The following GULP1 variants were observed in gnomAD, a reference collection of about 807,000 sequenced individuals.
GULP1 encodes the protein PTB domain-containing engulfment adapter protein 1.
A neutral mutation model predicts 40.9 loss-of-function variants in GULP1; 19 were observed. That is an observed-to-expected ratio of 0.46 (90% confidence interval 0.32 to 0.68). GULP1 has a LOEUF of 0.68. Ranked by LOEUF, GULP1 falls within the 30% of genes least tolerant of loss-of-function variation. The pLI is 0.03. For synonymous variants in GULP1, 119 were observed against 117.6 expected, an observed-to-expected ratio of 1.01 and a Z score of -0.08; for missense variants, 312 against 362.2, an observed-to-expected ratio of 0.86 and a Z score of 1.12.
chr2:188,559,881 C>T (rs954180064), intron 7 of GULP1, among the ~76,000 whole-genome samples: 1 of 152,120 alleles, frequency 6.6e-6, no homozygotes, highest in African/African-American at 2.4e-5. Flanking sequence ...GTGAATAAGT[C>T]TCATGAGATC....
chr2:188,552,735 A>T (rs1693780107), intron 7 of GULP1, among the ~76,000 whole-genome samples: 1 of 151,596 alleles, frequency 6.6e-6, no homozygotes, highest in Non-Finnish European at 1.5e-5. Context: ...ATTATTTCTT[A>T]TGATCCATGA....
chr2:188,564,449 C>T (rs765118792), intron 7 of GULP1, among the ~76,000 whole-genome samples: 2 of 151,394 alleles, frequency 1.3e-5, no homozygotes, highest in Non-Finnish European at 3.0e-5. Flanking sequence ...TGTCTACTAG[C>T]AAAAAGAAAG....
At chr2:188,467,863 T>A (rs1251659904) in intron 2 of GULP1, among the ~76,000 whole-genome samples, 2 of 152,190 alleles carry the variant, frequency 1.3e-5, no homozygotes, top group East Asian at 3.8e-4. Flanking sequence ...AGAGGCTGCC[T>A]GTCATAGATG....
chr2:188,547,833 C>A (rs957253013), intron 7 of GULP1, among the ~76,000 whole-genome samples: 2 of 151,926 alleles, frequency 1.3e-5, no homozygotes, highest in African/African-American at 4.8e-5. Flanking sequence ...GCTCAACATT[C>A]AAAAATCCAA....
intron 7 of GULP1, among the ~76,000 whole-genome samples, chr2:188,554,604 A>G (rs1274017332): frequency 6.6e-6 from 1 of 151,986 alleles, no homozygotes; most frequent in Non-Finnish European, 1.5e-5. Flanking sequence ...GCTAATGAAA[A>G]GAATGTATCT....
At chr2:188,427,987 A>G (rs2056420819) in intron 2 of GULP1, among the ~76,000 whole-genome samples, 1 of 152,214 alleles carries the variant, frequency 6.6e-6, no homozygotes, top group African/African-American at 2.4e-5. Flanking sequence ...ACAGGGACAG[A>G]GCTCCCCAAG....
intron 7 of GULP1, among the ~76,000 whole-genome samples, chr2:188,558,011 T>A (rs1018911254): frequency 2.0e-5 from 3 of 152,034 alleles, no homozygotes; most frequent in Admixed American, 6.6e-5. Flanking sequence ...AATGGGAGGG[T>A]ATGCTGCAAA....
intron 2 of GULP1, among the ~76,000 whole-genome samples, chr2:188,462,772 T>C (rs2059813733): frequency 6.6e-6 from 1 of 152,126 alleles, no homozygotes; most frequent in Admixed American, 6.5e-5. Context: ...TTTTTGTATA[T>C]TCATTATATA....
intron 2 of GULP1, among the ~76,000 whole-genome samples, chr2:188,429,173 A>T (rs1575185320): frequency 6.6e-6 from 1 of 152,190 alleles, no homozygotes; most frequent in South Asian, 2.1e-4. Context: ...TTTAACTTGA[A>T]TTTGGTGTCA....
At chr2:188,519,123 C>T (rs750132207) in intron 4 of GULP1, among the ~76,000 whole-genome samples, 1 of 152,028 alleles carries the variant, frequency 6.6e-6, no homozygotes, top group Non-Finnish European at 1.5e-5. Flanking sequence ...GGTTTTCTAA[C>T]ATTACATAAG....
At chr2:188,468,339 A>T (rs1004083348) in intron 2 of GULP1, among the ~76,000 whole-genome samples, 7 of 152,164 alleles carry the variant, frequency 4.6e-5, no homozygotes, top group African/African-American at 1.7e-4. Flanking sequence ...GAATTTCCTT[A>T]CTCTAAAAAT....
intron 11 of GULP1, chr2:188,589,487 A>G (rs1703075181): frequency 3.4e-6 from 1 of 293,072 alleles, no homozygotes; most frequent in Non-Finnish European, 6.3e-6. Flanking sequence ...ATTTATTCTC[A>G]AGGGTTGCAC....
At chr2:188,490,631 T>A (rs917113641) in intron 4 of GULP1, among the ~76,000 whole-genome samples, 35 of 152,240 alleles carry the variant, frequency 2.3e-4, no homozygotes, top group African/African-American at 7.9e-4. Context: ...CTTTGCTTAA[T>A]GATATTTTTA....
chr2:188,554,465 G>A (rs1694252384), intron 7 of GULP1, among the ~76,000 whole-genome samples: 1 of 150,422 alleles, frequency 6.6e-6, no homozygotes, highest in Non-Finnish European at 1.5e-5. Context: ...GTTCTTATTA[G>A]TATTGATTTA....
intron 4 of GULP1, among the ~76,000 whole-genome samples, chr2:188,499,561 A>C (rs2063233310): frequency 6.6e-6 from 1 of 151,712 alleles, no homozygotes; most frequent in Admixed American, 6.6e-5. Flanking sequence ...CATTCCAGGG[A>C]AGTAGTCAGA....
chr2:188,418,663 A>T (rs557190941), intron 2 of GULP1, among the ~76,000 whole-genome samples: 1 of 152,326 alleles, frequency 6.6e-6, no homozygotes, highest in African/African-American at 2.4e-5. Flanking sequence ...GACATTTTAT[A>T]AAGTACATTT....
chr2:188,423,775 G>T (rs978396107), intron 2 of GULP1, among the ~76,000 whole-genome samples: 1 of 151,680 alleles, frequency 6.6e-6, no homozygotes, highest in Non-Finnish European at 1.5e-5. Flanking sequence ...AAATTAGATA[G>T]AATTGAATTG....
chr2:188,491,036 G>C (rs1364133776), intron 4 of GULP1, among the ~76,000 whole-genome samples: 1 of 151,886 alleles, frequency 6.6e-6, no homozygotes, highest in African/African-American at 2.4e-5. Flanking sequence ...GAGCTCAAGC[G>C]ATCCACCCAA....
chr2:188,335,013 C>T (rs940543068), intron 1 of GULP1, among the ~76,000 whole-genome samples: 24 of 151,956 alleles, frequency 1.6e-4, no homozygotes, highest in African/African-American at 5.8e-4. Flanking sequence ...GAAAGATATA[C>T]GGAACAATTT....
Sources: gnomAD v4.1 joint callset for allele counts (sites outside exome capture counted in the v4.1 genomes callset) on GRCh38, gnomAD v4.1.1 for gene constraint, MANE v1.5 for transcripts, NCBI Gene and HGNC (gene_info 2026-07-23, HGNC 2026-07-21) for gene names.